SPC25: variants seen among roughly 807,000 people sequenced by gnomAD.
SPC25 encodes kinetochore protein Spc25.
A neutral mutation model predicts 29.6 loss-of-function variants in SPC25; 22 were observed. The ratio of observed to expected loss-of-function variants is 0.74; its 90% CI spans 0.53 to 1.06. The LOEUF (loss-of-function observed/expected upper bound fraction) is 1.06. Among genes scored for constraint, SPC25 ranks in the 50% least tolerant of loss-of-function variants. The pLI is 0.00. For synonymous variants in SPC25, 91 were observed against 90.4 expected, an observed-to-expected ratio of 1.01 and a Z score of -0.04; for missense variants, 230 against 255.8, an observed-to-expected ratio of 0.90 and a Z score of 0.69.
intron 3 of SPC25, among the ~76,000 whole-genome samples, chr2:168,888,980 CACATATATATGTATATATAT>C (rs1411563457): frequency 6.0e-4 from 77 of 128,452 alleles, no homozygotes; most frequent in Admixed American, 1.2e-3. Context: ...TATACACACA[CACATATATATGTATATATAT>C]ACACATATAT....
intron 4 of SPC25, 123 bp downstream of exon 4, chr2:168,877,115 T>G: frequency 1.3e-4 from 134 of 998,396 alleles, no homozygotes; most frequent in East Asian, 5.1e-5. Flanking sequence ...GAGTGGCTGG[T>G]TATGCCCTGG....
intron 3 of SPC25, among the ~76,000 whole-genome samples, chr2:168,882,939 G>A (rs568009383): frequency 6.6e-6 from 1 of 152,206 alleles, no homozygotes; most frequent in Admixed American, 6.5e-5. Flanking sequence ...CAAAATGCTA[G>A]GGTCCTTCTA....
intron 4 of SPC25, chr2:168,864,921 A>T: frequency 6.2e-7 from 1 of 1,614,144 alleles, no homozygotes; most frequent in Non-Finnish European, 8.5e-7. Flanking sequence ...CCTGCCGCTT[A>T]TGTGGAGGAG....
At chr2:168,864,974 A>T (rs752932696) in intron 4 of SPC25, 2 of 1,613,940 alleles carry the variant, frequency 1.2e-6, no homozygotes, top group Admixed American at 3.3e-5. Flanking sequence ...GGCATAAAAC[A>T]AGACTCTGAA....
At chr2:168,874,863 C>G (rs541216257) in intron 5 of SPC25, among the ~76,000 whole-genome samples, 1 of 152,166 alleles carries the variant, frequency 6.6e-6, no homozygotes, top group African/African-American at 2.4e-5. Flanking sequence ...TAGACTTTGC[C>G]CCACGTGCTA....
At position 168,873,555 on chromosome 2, in the gene SPC25, A is replaced by C. The variant is rs763255030; in HGVS notation, c.550+30T>G. 8 of 1,487,748 alleles carry C rather than the reference A, an allele frequency of 5.4e-6. No homozygotes were observed. In the African/African-American group the frequency reaches 1.1e-4, roughly 21 times the overall value. 92.2% of individuals were successfully genotyped at this position (1,487,748 alleles called of 1,614,324 possible). A position where few individuals can be genotyped will look rare whatever the true frequency, so the allele number is the denominator to read the frequency against. ...AATAACATTTTGGAACGCCAATCTTAAATACCAGTTAGGAGATATTAGTAC... is the reference window on the plus strand; with the variant it reads ...AATAACATTTTGGAACGCCAATCTTCAATACCAGTTAGGAGATATTAGTAC... On this transcript the variant is annotated intron_variant, in intron 6 of 6. Transcript: ENST00000282074.
intron 3 of SPC25, among the ~76,000 whole-genome samples, chr2:168,880,734 C>T (rs1028725112): frequency 2.8e-4 from 42 of 152,152 alleles, no homozygotes; most frequent in African/African-American, 9.9e-4. Flanking sequence ...TTAGAGGTCA[C>T]TATAGGGTTA....
At chr2:168,877,420 T>C in intron 3 of SPC25, 36 bp from the exon 4 acceptor site, 1 of 1,611,546 alleles carries the variant, frequency 6.2e-7, no homozygotes, top group South Asian at 1.1e-5. Flanking sequence ...AGAATATGCT[T>C]GGCTCTCTGA....
downstream of SPC25, among the ~76,000 whole-genome samples, chr2:168,868,373 A>G (rs1190774182): frequency 6.6e-6 from 1 of 152,230 alleles, no homozygotes; most frequent in Non-Finnish European, 1.5e-5. Flanking sequence ...ACTGAAGGAA[A>G]TAGAGACACA....
chr2:168,888,982 CATATATATGTAT>C (rs1302659425), intron 3 of SPC25, among the ~76,000 whole-genome samples: 4 of 118,850 alleles, frequency 3.4e-5, no homozygotes, highest in African/African-American at 1.5e-4. Flanking sequence ...TACACACACA[CATATATATGTAT>C]ATATATACAC....
chr2:168,866,924 T>C (rs1170592547), downstream of SPC25, among the ~76,000 whole-genome samples: 1 of 152,206 alleles, frequency 6.6e-6, no homozygotes, highest in African/African-American at 2.4e-5. Context: ...CACAATGAGA[T>C]ACCATCTCAC....
chr2:168,875,026 G>T (rs949282930), intron 5 of SPC25, among the ~76,000 whole-genome samples: 1 of 152,142 alleles, frequency 6.6e-6, no homozygotes, highest in African/African-American at 2.4e-5. Flanking sequence ...CATTAGCGAT[G>T]TACATGTGAT....
intron 4 of SPC25, chr2:168,863,521 G>A (rs1392687249): frequency 9.1e-6 from 9 of 985,320 alleles, no homozygotes; most frequent in Non-Finnish European, 1.1e-5. Context: ...CAAGAGCCAT[G>A]TTTCTTGTCC....
intron 4 of SPC25, 118 bp downstream of exon 4, chr2:168,877,120 C>T: frequency 9.3e-7 from 1 of 1,069,942 alleles, no homozygotes; most frequent in Non-Finnish European, 1.3e-6. Flanking sequence ...GCTGGTTATG[C>T]CCTGGGGTAC....
At chr2:168,879,929 T>C (rs574147976) in intron 3 of SPC25, among the ~76,000 whole-genome samples, 1 of 152,320 alleles carries the variant, frequency 6.6e-6, no homozygotes, top group East Asian at 1.9e-4. Flanking sequence ...AGCCATCTTT[T>C]TTCCTGAGTA....
chr2:168,884,173 T>C (rs564712529), intron 3 of SPC25, among the ~76,000 whole-genome samples: 4 of 152,256 alleles, frequency 2.6e-5, no homozygotes, highest in Non-Finnish European at 4.4e-5. Context: ...TTCTTTGCAT[T>C]TTCACTCCAA....
At chr2:168,889,119 T>C in intron 3 of SPC25, 107 bp downstream of exon 3, 3 of 763,194 alleles carry the variant, frequency 3.9e-6, no homozygotes, top group Non-Finnish European at 6.2e-6. Context: ...ACACACAACA[T>C]ATACACACTT....
intron 4 of SPC25, among the ~76,000 whole-genome samples, chr2:168,865,712 T>C (rs906676393): frequency 2.0e-5 from 3 of 152,214 alleles, no homozygotes; most frequent in Admixed American, 6.5e-5. Flanking sequence ...ATTGTATATC[T>C]AGAAAACCCC....
At chr2:168,888,424 A>G (rs1221531983) in intron 3 of SPC25, among the ~76,000 whole-genome samples, 3 of 152,036 alleles carry the variant, frequency 2.0e-5, no homozygotes, top group Non-Finnish European at 4.4e-5. Context: ...GCGTGGTTGC[A>G]GGCGCCTGTA....
Sources: gnomAD v4.1 joint callset for allele counts (sites outside exome capture counted in the v4.1 genomes callset) on GRCh38, gnomAD v4.1.1 for gene constraint, MANE v1.5 for transcripts, NCBI Gene and HGNC (gene_info 2026-07-23, HGNC 2026-07-21) for gene names.